Variants in METTL15 observed in about 807,000 individuals in gnomAD.
METTL15 encodes the protein methyltransferase 15, mitochondrial 12S rRNA N4-cytidine, also known as 12S rRNA N(4)-cytidine methyltransferase METTL15.
A neutral mutation model predicts 38.3 loss-of-function variants in METTL15; 34 were observed. The ratio of observed to expected loss-of-function variants is 0.89; its 90% CI spans 0.68 to 1.18. METTL15 has a LOEUF of 1.18. Ranked by LOEUF, METTL15 falls within the 50% of genes most tolerant of loss-of-function variation. The pLI, the probability that METTL15 is intolerant of heterozygous loss-of-function variation, is 0.00. For synonymous variants in METTL15, 162 were observed against 170.9 expected, an observed-to-expected ratio of 0.95 and a Z score of 0.41; for missense variants, 438 against 498.4, an observed-to-expected ratio of 0.88 and a Z score of 1.15.
At chr11:28,221,809 G>A (rs1172119268) in intron 4 of METTL15, among the ~76,000 whole-genome samples, 1 of 152,184 alleles carries the variant, frequency 6.6e-6, no homozygotes, top group African/African-American at 2.4e-5. Context: ...GGAGTTTGCT[G>A]GAGGTCCACT....
At chr11:28,125,227 AAAAT>A (rs1852423973) in intron 3 of METTL15, among the ~76,000 whole-genome samples, 2 of 152,286 alleles carry the variant, frequency 1.3e-5, no homozygotes, top group South Asian at 4.1e-4. Context: ...GATAGCATAT[AAAAT>A]AAATACTTTT....
At chr11:28,293,574 T>C (rs956632523) in intron 5 of METTL15, among the ~76,000 whole-genome samples, 2 of 152,112 alleles carry the variant, frequency 1.3e-5, no homozygotes, top group Admixed American at 6.6e-5. Context: ...TTAAAGTAGT[T>C]TTTTCCAATT....
At chr11:28,194,196 T>TC (rs1851821672) in intron 3 of METTL15, among the ~76,000 whole-genome samples, 1 of 97,958 alleles carries the variant, frequency 1.0e-5, no homozygotes, top group African/African-American at 3.8e-5. Flanking sequence ...CTCTCTCCTC[T>TC]CTCTCTCTCT....
At chr11:28,352,730 G>T (rs1469799657) in intron 4 of METTL15, among the ~76,000 whole-genome samples, 1 of 151,988 alleles carries the variant, frequency 6.6e-6, no homozygotes, top group East Asian at 1.9e-4. Context: ...ACCCCCAAGG[G>T]TCATGGATGT....
downstream of METTL15, among the ~76,000 whole-genome samples, chr11:28,528,280 A>G (rs1851825243): frequency 6.6e-6 from 1 of 152,170 alleles, no homozygotes; most frequent in Non-Finnish European, 1.5e-5. Context: ...GCATACTTCA[A>G]AAAGGGACTA....
chr11:28,367,868 G>T (rs1363981075), intron 5 of METTL15, among the ~76,000 whole-genome samples: 9 of 152,126 alleles, frequency 5.9e-5, no homozygotes, highest in African/African-American at 2.2e-4. Flanking sequence ...TTTAATAAAT[G>T]ATGTTGGGAA....
intron 4 of METTL15, among the ~76,000 whole-genome samples, chr11:28,248,043 G>GAAT (rs1854583990): frequency 3.3e-5 from 5 of 151,896 alleles, no homozygotes; most frequent in Admixed American, 3.3e-4. Context: ...GTATTTGGGG[G>GAAT]AATAAACACT....
intron 4 of METTL15, among the ~76,000 whole-genome samples, chr11:28,235,808 T>G (rs1258561593): frequency 1.3e-5 from 2 of 152,216 alleles, no homozygotes; most frequent in Non-Finnish European, 2.9e-5. Flanking sequence ...TTCCTTCTCC[T>G]GCCTCATTGC....
intron 3 of METTL15, chr11:28,163,946 A>T (rs1850563499): frequency 6.6e-6 from 1 of 152,126 alleles, no homozygotes; most frequent in African/African-American, 2.4e-5. Flanking sequence ...TAAAGAGCCA[A>T]GCCAAAATTT....
At chr11:28,385,768 G>T (rs1377050573) in intron 5 of METTL15, among the ~76,000 whole-genome samples, 2 of 152,026 alleles carry the variant, frequency 1.3e-5, no homozygotes, top group Non-Finnish European at 2.9e-5. Flanking sequence ...TCTAGCTGAT[G>T]ATAATCTTTG....
intron 5 of METTL15, among the ~76,000 whole-genome samples, chr11:28,382,589 T>G (rs901157606): frequency 6.6e-6 from 1 of 152,016 alleles, no homozygotes; most frequent in South Asian, 2.1e-4. Context: ...ATCCCAGCAC[T>G]TTGGGAAGCT....
chr11:28,503,753 T>C (rs1851603641), intron 6 of METTL15, among the ~76,000 whole-genome samples: 3 of 151,108 alleles, frequency 2.0e-5, no homozygotes, highest in African/African-American at 7.3e-5. Context: ...ATCGTGCCAC[T>C]GCACTCCAGC....
chr11:28,398,146 C>T (rs1352076573), intron 5 of METTL15, among the ~76,000 whole-genome samples: 1 of 151,496 alleles, frequency 6.6e-6, no homozygotes, highest in Non-Finnish European at 1.5e-5. Flanking sequence ...GTGCATCACA[C>T]CAACATGGCA....
chr11:28,495,965 T>A (rs1338909905), intron 6 of METTL15, among the ~76,000 whole-genome samples: 1 of 152,246 alleles, frequency 6.6e-6, no homozygotes, highest in Non-Finnish European at 1.5e-5. Context: ...ATTCTTCAGA[T>A]ATCCTGAATG....
At chr11:28,219,970 T>C (rs965358573) in intron 4 of METTL15, among the ~76,000 whole-genome samples, 1 of 152,216 alleles carries the variant, frequency 6.6e-6, no homozygotes, top group East Asian at 1.9e-4. Flanking sequence ...TGATGAGTGC[T>C]TTATTTCCAA....
intron 3 of METTL15, among the ~76,000 whole-genome samples, chr11:28,153,311 A>G (rs1850156630): frequency 1.3e-5 from 2 of 152,078 alleles, no homozygotes; most frequent in African/African-American, 4.8e-5. Context: ...TCATCTCTAG[A>G]TTACTTATAA....
chr11:28,532,452 A>T, the METTL15 span, among the ~76,000 whole-genome samples: 1 of 152,060 alleles, frequency 6.6e-6, no homozygotes, highest in African/African-American at 2.4e-5. Context: ...TAAAAATAAA[A>T]TTTGTATTTA....
chr11:28,299,632 C>A (rs1856846642), intron 6 of METTL15, among the ~76,000 whole-genome samples: 1 of 152,030 alleles, frequency 6.6e-6, no homozygotes, highest in South Asian at 2.1e-4. Context: ...TTAAATCTGT[C>A]CAGTCCAATA....
chr11:28,338,159 G>C (rs1444006317), downstream of METTL15, among the ~76,000 whole-genome samples: 1 of 150,802 alleles, frequency 6.6e-6, no homozygotes, highest in Non-Finnish European at 1.5e-5. Flanking sequence ...TTCTTTGCTA[G>C]TGTCTTTCCC....
Sources: allele counts gnomAD v4.1 joint callset (sites outside exome capture counted in the v4.1 genomes callset), GRCh38; gene constraint gnomAD v4.1.1; transcripts MANE v1.5; gene names NCBI Gene and HGNC (gene_info 2026-07-23, HGNC 2026-07-21).